Variants in RANBP2 observed in about 807,000 individuals in gnomAD.
RANBP2 encodes E3 SUMO-protein ligase RanBP2.
Under a neutral mutation model 303.6 loss-of-function variants are expected in RANBP2, and 57 were observed. The ratio of observed to expected loss-of-function variants is 0.19; its 90% CI spans 0.15 to 0.23. The LOEUF (loss-of-function observed/expected upper bound fraction) is 0.23. RANBP2 is among the 10% of genes least tolerant of loss of function. The pLI is 1.00. For synonymous variants in RANBP2, 1,167 were observed against 1,301.5 expected (o/e 0.90, Z 2.23); for missense variants, 3,138 against 3,780.8 (o/e 0.83, Z 4.46).
Position 108,782,617 on chromosome 2 carries a change from C to T in RANBP2, c.9124C>T (p.Gln3042Ter). Residue 3042 changes from glutamine (Q) to a stop codon, truncating the protein, a stop_gained, in exon 28 of 29, where the codon CAG (glutamine) becomes TAG (stop). Transcript: ENST00000283195. LOFTEE classifies it high-confidence loss of function. The stretch of plus-strand genomic sequence containing the variant: ...CAAGAAAACATTTGAAGAATGTCAG[C>T]AGAATTTAATGAAACTCCAGAAAGG... ...CFKKTFEECQQNLMKLQKGHV... is the reference protein window; with the variant it reads ...CFKKTFEECQ The T allele has an allele frequency of 1.2e-6, 2 of 1,614,144 alleles. No homozygotes were observed. The highest frequency in any genetic ancestry group is 1.7e-6 in the Non-Finnish European group (2 of 1,180,026).
the RANBP2 span, among the ~76,000 whole-genome samples, chr2:109,696,703 AT>A: frequency 6.6e-6 from 1 of 152,242 alleles, no homozygotes; most frequent in Non-Finnish European, 1.5e-5. Flanking sequence ...TTAAATCTAT[AT>A]ACCAACTGGG....
At chr2:108,720,284 C>T (rs1308659238) in intron 1 of RANBP2, 1 of 870,116 alleles carries the variant, frequency 1.1e-6, no homozygotes, top group Non-Finnish European at 1.4e-6. Flanking sequence ...AAGGGTCCAG[C>T]TCCACTCCGC....
At chr2:109,020,516 T>G in the RANBP2 span, among the ~76,000 whole-genome samples, 1 of 152,222 alleles carries the variant, frequency 6.6e-6, no homozygotes, top group South Asian at 2.1e-4. Flanking sequence ...CAATGGTTAC[T>G]TGGCAGGCGA....
At chr2:109,633,792 A>G in the RANBP2 span, among the ~76,000 whole-genome samples, 1 of 152,150 alleles carries the variant, frequency 6.6e-6, no homozygotes, top group Non-Finnish European at 1.5e-5. Flanking sequence ...ATTGTAAGAG[A>G]CTGCTAGATT....
At chr2:109,398,793 C>T in the RANBP2 span, 19 of 1,613,762 alleles carry the variant, frequency 1.2e-5, no homozygotes, top group South Asian at 2.2e-5. Context: ...ACTCCTTCAC[C>T]GCGCTCAGTG....
At chr2:108,965,244 G>A in the RANBP2 span, among the ~76,000 whole-genome samples, 1 of 152,062 alleles carries the variant, frequency 6.6e-6, no homozygotes, top group Admixed American at 6.5e-5. Flanking sequence ...TTGGGAGGCC[G>A]AGGCAGGCGG....
chr2:109,443,876 GTA>G, the RANBP2 span, among the ~76,000 whole-genome samples: 4 of 152,186 alleles, frequency 2.6e-5, no homozygotes, highest in African/African-American at 4.8e-5. Flanking sequence ...TAGAACAACA[GTA>G]TAATCAACTT....
At chr2:109,693,077 T>C in the RANBP2 span, among the ~76,000 whole-genome samples, 1 of 152,174 alleles carries the variant, frequency 6.6e-6, no homozygotes, top group South Asian at 2.1e-4. Context: ...GAGCAGACTC[T>C]TTAAGTCTGA....
At chr2:109,446,260 C>T in the RANBP2 span, among the ~76,000 whole-genome samples, 1 of 152,174 alleles carries the variant, frequency 6.6e-6, no homozygotes, top group Non-Finnish European at 1.5e-5. Flanking sequence ...TCGGAAGTGA[C>T]ATGGCTGGGG....
At chr2:109,360,422 A>G in the RANBP2 span, among the ~76,000 whole-genome samples, 1 of 152,214 alleles carries the variant, frequency 6.6e-6, no homozygotes, top group Non-Finnish European at 1.5e-5. Context: ...ACTTTGTTTC[A>G]TGCACAAAAT....
At chr2:109,599,498 A>C in the RANBP2 span, among the ~76,000 whole-genome samples, 1 of 151,816 alleles carries the variant, frequency 6.6e-6, no homozygotes, top group Admixed American at 6.6e-5. Context: ...GAAATTACCA[A>C]GAGTGAGCAA....
the RANBP2 span, among the ~76,000 whole-genome samples, chr2:108,864,521 G>C: frequency 6.6e-6 from 1 of 151,824 alleles, no homozygotes; most frequent in Admixed American, 6.6e-5. Context: ...AAATTAGCCG[G>C]GCACGGTGGC....
At chr2:109,779,485 T>TA in the RANBP2 span, among the ~76,000 whole-genome samples, 1 of 113,312 alleles carries the variant, frequency 8.8e-6, no homozygotes, top group African/African-American at 3.3e-5. Flanking sequence ...CTTAGACTGT[T>TA]AGATCTGTCT....
At chr2:109,211,399 T>C in the RANBP2 span, among the ~76,000 whole-genome samples, 1 of 152,322 alleles carries the variant, frequency 6.6e-6, no homozygotes, top group Middle Eastern at 3.4e-3. Flanking sequence ...GGAGGTGTTA[T>C]AAACAGCAGG....
chr2:109,507,303 G>A, the RANBP2 span, among the ~76,000 whole-genome samples: 2 of 152,230 alleles, frequency 1.3e-5, no homozygotes, highest in South Asian at 2.1e-4. Flanking sequence ...TCTTGGAATC[G>A]GTCAGGACCT....
chr2:109,250,684 A>G, the RANBP2 span, among the ~76,000 whole-genome samples: 3 of 152,024 alleles, frequency 2.0e-5, no homozygotes, highest in Non-Finnish European at 4.4e-5. Context: ...AAACATATTT[A>G]TATCAAAGGA....
the RANBP2 span, among the ~76,000 whole-genome samples, chr2:109,667,495 T>G: frequency 6.6e-6 from 1 of 152,178 alleles, no homozygotes; most frequent in Non-Finnish European, 1.5e-5. Context: ...TGCATTTTAA[T>G]GTGGAGTCAT....
the RANBP2 span, among the ~76,000 whole-genome samples, chr2:109,456,965 G>A: frequency 2.0e-5 from 3 of 152,334 alleles, no homozygotes; most frequent in South Asian, 6.2e-4. Flanking sequence ...GCTTGAATTT[G>A]GAGGAGGAAG....
At chr2:109,443,806 C>CTT in the RANBP2 span, among the ~76,000 whole-genome samples, 1 of 152,184 alleles carries the variant, frequency 6.6e-6, no homozygotes, top group Non-Finnish European at 1.5e-5. Context: ...TGGTCAGAGA[C>CTT]TTTCATGTCT....
Sources: gnomAD v4.1 joint callset for allele counts (sites outside exome capture counted in the v4.1 genomes callset) on GRCh38, gnomAD v4.1.1 for gene constraint, MANE v1.5 for transcripts, NCBI Gene and HGNC (gene_info 2026-07-23, HGNC 2026-07-21) for gene names.